The following PRR16 variants were observed in gnomAD, a reference collection of about 807,000 sequenced individuals.
The protein encoded by PRR16 is proline rich 16.
A neutral mutation model predicts 18.2 loss-of-function variants in PRR16; 6 were observed. The observed-to-expected ratio is 0.33, with a 90% CI of 0.18 to 0.65. The LOEUF (loss-of-function observed/expected upper bound fraction) is 0.65. Among genes scored for constraint, PRR16 ranks in the 30% least tolerant of loss-of-function variants. The pLI is 0.74. For synonymous variants in PRR16, 151 were observed against 147.8 expected (o/e 1.02, Z -0.16); for missense variants, 412 against 376.6 (o/e 1.09, Z -0.78).
chr5:120,603,000 A>G (rs1754035743), intron 1 of PRR16, among the ~76,000 whole-genome samples: 1 of 152,004 alleles, frequency 6.6e-6, no homozygotes, highest in Non-Finnish European at 1.5e-5. Flanking sequence ...ATCTATGTTC[A>G]TTAGGAATAT....
downstream of PRR16, among the ~76,000 whole-genome samples, chr5:120,691,257 C>T (rs1320696214): frequency 6.6e-6 from 1 of 152,090 alleles, no homozygotes; most frequent in Non-Finnish European, 1.5e-5. Context: ...CCCCGAACTT[C>T]GTAAATCTTT....
At chr5:120,736,748 T>C in the PRR16 span, among the ~76,000 whole-genome samples, 1 of 152,072 alleles carries the variant, frequency 6.6e-6, no homozygotes, top group Non-Finnish European at 1.5e-5. Context: ...CGTTTATGTG[T>C]GTCTTCTTTA....
At chr5:120,662,624 T>C (rs1449166) in intron 1 of PRR16, among the ~76,000 whole-genome samples, 46,391 of 151,930 alleles carry the variant, frequency 0.31, 7,545 homozygotes, top group Middle Eastern at 0.42. Context: ...CATATCACAA[T>C]AGTGTTTATA....
chr5:120,712,768 A>G, the PRR16 span, among the ~76,000 whole-genome samples: 22 of 152,258 alleles, frequency 1.4e-4, 1 homozygote, highest in South Asian at 2.7e-3. Context: ...CAAAACCACA[A>G]TGAGTTATCA....
intron 1 of PRR16, among the ~76,000 whole-genome samples, chr5:120,519,440 G>C (rs10519636): frequency 0.22 from 32,776 of 151,916 alleles, 3,681 homozygotes; most frequent in Middle Eastern, 0.27. Flanking sequence ...TATATGATAG[G>C]CATTGAGTGA....
At chr5:120,589,307 T>G (rs1006559102) in intron 1 of PRR16, among the ~76,000 whole-genome samples, 2 of 152,138 alleles carry the variant, frequency 1.3e-5, no homozygotes, top group Admixed American at 6.6e-5. Context: ...CCTCTGCGGA[T>G]GCCACTCTCT....
intron 1 of PRR16, among the ~76,000 whole-genome samples, chr5:120,649,311 C>T (rs957723464): frequency 7.9e-5 from 12 of 151,936 alleles, no homozygotes; most frequent in African/African-American, 1.9e-4. Flanking sequence ...CATTTCTTGC[C>T]GATTTACATT....
the PRR16 span, among the ~76,000 whole-genome samples, chr5:120,753,881 TATA>T: frequency 2.3e-5 from 3 of 129,196 alleles, no homozygotes; most frequent in Non-Finnish European, 4.8e-5. Flanking sequence ...TATATATTTA[TATA>T]TTATATATAA....
intron 1 of PRR16, among the ~76,000 whole-genome samples, chr5:120,666,127 A>G (rs1756367179): frequency 6.6e-6 from 1 of 152,096 alleles, no homozygotes; most frequent in Non-Finnish European, 1.5e-5. Context: ...ATCCTCTTTT[A>G]TATCATTGAG....
chr5:120,480,109 AT>A (rs1331948629), intron 1 of PRR16, among the ~76,000 whole-genome samples: 2 of 152,160 alleles, frequency 1.3e-5, no homozygotes, highest in African/African-American at 4.8e-5. Flanking sequence ...GGAAACTAAC[AT>A]TTGTTAAAAT....
chr5:120,498,566 A>G (rs1750337691), intron 1 of PRR16, among the ~76,000 whole-genome samples: 1 of 151,744 alleles, frequency 6.6e-6, no homozygotes, highest in African/African-American at 2.4e-5. Flanking sequence ...TAAGAGAGAA[A>G]GCTCAAGAGG....
the PRR16 span, among the ~76,000 whole-genome samples, chr5:120,770,097 C>T: frequency 6.6e-6 from 1 of 151,768 alleles, no homozygotes; most frequent in Non-Finnish European, 1.5e-5. Flanking sequence ...AAAGAAAATC[C>T]TAAAATTCAT....
At chr5:120,687,866 T>G (rs995097832), downstream of PRR16, among the ~76,000 whole-genome samples, 1 of 152,200 alleles carries the variant, frequency 6.6e-6, no homozygotes, top group Non-Finnish European at 1.5e-5. Context: ...TACCCACCCA[T>G]GGTCCAAATT....
intron 1 of PRR16, among the ~76,000 whole-genome samples, chr5:120,577,147 A>C (rs1171598357): frequency 6.6e-6 from 1 of 152,086 alleles, no homozygotes; most frequent in African/African-American, 2.4e-5. Flanking sequence ...AATATGATTC[A>C]CATATATATC....
the PRR16 span, among the ~76,000 whole-genome samples, chr5:120,759,613 C>A: frequency 6.6e-6 from 1 of 152,024 alleles, no homozygotes; most frequent in African/African-American, 2.4e-5. Flanking sequence ...GGACTTGTAA[C>A]ATTATGTATT....
chr5:120,570,812 C>G (rs529139892), intron 1 of PRR16, among the ~76,000 whole-genome samples: 3 of 151,992 alleles, frequency 2.0e-5, no homozygotes, highest in African/African-American at 4.8e-5. Context: ...ACATGATAGA[C>G]TTTCTGTAAA....
intron 1 of PRR16, among the ~76,000 whole-genome samples, chr5:120,483,017 G>A (rs559999218): frequency 6.6e-6 from 1 of 152,270 alleles, no homozygotes; most frequent in South Asian, 2.1e-4. Flanking sequence ...GGTTAGGTAG[G>A]TTAGGGAATG....
chr5:120,673,414 G>GGTACTTT (rs1756682520), intron 1 of PRR16, among the ~76,000 whole-genome samples: 3 of 152,128 alleles, frequency 2.0e-5, no homozygotes, highest in Admixed American at 2.0e-4. Flanking sequence ...CTTATTTTAT[G>GGTACTTT]GGTCTTTAAA....
At chr5:120,706,579 G>A in the PRR16 span, among the ~76,000 whole-genome samples, 2 of 152,118 alleles carry the variant, frequency 1.3e-5, no homozygotes, top group Non-Finnish European at 2.9e-5. Flanking sequence ...TCTCCATTCA[G>A]AGAAGAATTC....
Sources: allele counts gnomAD v4.1 joint callset (sites outside exome capture counted in the v4.1 genomes callset), GRCh38; gene constraint gnomAD v4.1.1; transcripts MANE v1.5; gene names NCBI Gene and HGNC (gene_info 2026-07-23, HGNC 2026-07-21).